EVI5: variants seen among roughly 807,000 people sequenced by gnomAD.
EVI5 encodes the protein ecotropic viral integration site 5.
Under a neutral mutation model 112.0 loss-of-function variants are expected in EVI5, and 73 were observed. The ratio of observed to expected loss-of-function variants is 0.65; its 90% CI spans 0.54 to 0.79. EVI5 has a LOEUF of 0.79. Among genes scored for constraint, EVI5 ranks in the 30% least tolerant of loss-of-function variants. The pLI is 0.00. For synonymous variants in EVI5, 305 were observed against 319.9 expected, an observed-to-expected ratio of 0.95 and a Z score of 0.50; for missense variants, 900 against 968.8, an observed-to-expected ratio of 0.93 and a Z score of 0.94.
At chr1:92,763,751 T>C (rs761607296) in intron 1 of EVI5, among the ~76,000 whole-genome samples, 2 of 152,130 alleles carry the variant, frequency 1.3e-5, no homozygotes, top group African/African-American at 4.8e-5. Context: ...TGAGCTATGA[T>C]TGTGACACTC....
chr1:92,780,479 T>G (rs1684722166), intron 1 of EVI5, among the ~76,000 whole-genome samples: 1 of 152,194 alleles, frequency 6.6e-6, no homozygotes, highest in Non-Finnish European at 1.5e-5. Flanking sequence ...GTTGGAGAGC[T>G]TATATTACCA....
Position 92,657,592 on chromosome 1 carries a change from G to A in EVI5, c.1392+5127C>T, listed in dbSNP as rs529560392. 1.2e-3 allele frequency among the ~76,000 whole-genome samples: 185 copies of A among 152,258 alleles called. 1 individual carries two copies. Among genetic ancestry groups the A allele is most frequent in the African/African-American group, 4.4e-3 (182 of 41,526 alleles). On this transcript the variant is annotated intron_variant, in intron 13 of 19. Coordinates refer to ENST00000684568, the MANE Select transcript of EVI5 (RefSeq NM_001350197.2). ...GCAGGAGGATCACTTGAACCTGGGA[G>A]GTTGAGGCTGCAGTGAGCCATGACT...
intron 19 of EVI5, among the ~76,000 whole-genome samples, chr1:92,522,914 CACTA>C (rs1661215484): frequency 6.6e-6 from 1 of 151,968 alleles, no homozygotes; most frequent in African/African-American, 2.4e-5. Flanking sequence ...CACTCCACCA[CACTA>C]ACTAGTATTT....
chr1:92,688,786 T>C (rs1395617146), intron 9 of EVI5, among the ~76,000 whole-genome samples: 1 of 152,232 alleles, frequency 6.6e-6, no homozygotes, highest in Non-Finnish European at 1.5e-5. Context: ...CATATAATTT[T>C]AATAATCTGT....
rs973347953 is a variant in EVI5 at position 92,508,815 on chromosome 1, C to T, written c.*4841G>A. 7 of 152,676 alleles carry T rather than the reference C, an allele frequency of 4.6e-5. No individual in the cohort carries two copies. The highest frequency in any genetic ancestry group is 1.4e-4 in the African/African-American group (6 of 41,550). 9.5% of individuals were successfully genotyped at this position (152,676 alleles called of 1,614,324 possible). A position where few individuals can be genotyped will look rare whatever the true frequency, so the allele number is the denominator to read the frequency against. ...CAAAATGAAACACATTATAACTTTG[C>T]TTCTTGGTAGTATACTGAATGTATT... On this transcript the variant is annotated 3_prime_UTR_variant, in exon 20 of 20. Transcript: ENST00000684568.
intron 19 of EVI5, among the ~76,000 whole-genome samples, chr1:92,548,022 A>G (rs1182673444): frequency 2.0e-5 from 3 of 152,216 alleles, no homozygotes; most frequent in Non-Finnish European, 4.4e-5. Flanking sequence ...CCTGATACCA[A>G]AGCCTGGCAG....
chr1:92,709,241 T>C (rs1672476373), intron 2 of EVI5, among the ~76,000 whole-genome samples: 1 of 152,220 alleles, frequency 6.6e-6, no homozygotes, highest in South Asian at 2.1e-4. Flanking sequence ...TGATAGAAAC[T>C]TTCTAAGTCT....
chr1:92,534,796 G>A (rs1050665879), intron 19 of EVI5, among the ~76,000 whole-genome samples: 3 of 152,142 alleles, frequency 2.0e-5, no homozygotes, highest in Admixed American at 6.5e-5. Context: ...AGACTTAAAC[G>A]TAAGACCTGA....
chr1:92,703,830 G>A (rs1671562534), intron 3 of EVI5: 5 of 392,326 alleles, frequency 1.3e-5, no homozygotes, highest in Non-Finnish European at 2.2e-5. Flanking sequence ...GATTAATAAT[G>A]ATCATTTCAC....
At chr1:92,709,766 T>TA (rs1672558415) in intron 2 of EVI5, among the ~76,000 whole-genome samples, 1 of 152,168 alleles carries the variant, frequency 6.6e-6, no homozygotes, top group Admixed American at 6.5e-5. Context: ...CAAGAATATG[T>TA]AAACTTTATA....
At chr1:92,635,063 G>C (rs540362673) in intron 14 of EVI5, among the ~76,000 whole-genome samples, 1 of 152,272 alleles carries the variant, frequency 6.6e-6, no homozygotes, top group South Asian at 2.1e-4. Context: ...AGGGGTACCC[G>C]GCCGTGTGAG....
intron 18 of EVI5, among the ~76,000 whole-genome samples, chr1:92,599,807 A>C (rs1300037518): frequency 6.6e-6 from 1 of 152,222 alleles, no homozygotes; most frequent in Non-Finnish European, 1.5e-5. Context: ...AGAATACAGC[A>C]TGTATGTGTA....
At chr1:92,698,016 T>C (rs747500130) in intron 5 of EVI5, 31 bp from the exon 6 acceptor site, 1 of 1,592,318 alleles carries the variant, frequency 6.3e-7, no homozygotes. Context: ...ACAACATAGG[T>C]TAATGTTCTC....
chr1:92,707,340 C>T (rs1672181651), intron 2 of EVI5, among the ~76,000 whole-genome samples: 1 of 151,286 alleles, frequency 6.6e-6, no homozygotes, highest in African/African-American at 2.4e-5. Flanking sequence ...TCAAAAGATA[C>T]TATTTTAAAA....
rs895622591 is a variant in EVI5 at position 92,608,191 on chromosome 1, T to C, written c.1828-464A>G. ...AAAATAAATAAATAAATAAATAAAATCAAGTCATCCAAAGGAATGCATACT... is the reference window on the plus strand; with the variant it reads ...AAAATAAATAAATAAATAAATAAAACCAAGTCATCCAAAGGAATGCATACT... On this transcript the variant is annotated intron_variant, in intron 16 of 19. Coordinates refer to ENST00000684568, the MANE Select transcript of EVI5 (RefSeq NM_001350197.2). 2.6e-5 allele frequency among the ~76,000 whole-genome samples: 4 copies of C among 151,384 alleles called. No individual in the cohort carries two copies. In the East Asian group the frequency reaches 7.7e-4, roughly 29 times the overall value.
chr1:92,735,645 T>TA (rs1553259849), intron 2 of EVI5, among the ~76,000 whole-genome samples: 1 of 11,038 alleles, frequency 9.1e-5, no homozygotes, highest in South Asian at 6.8e-3. Context: ...ATGTCATATA[T>TA]ATATATAATT....
At chr1:92,677,616 G>A (rs1666956696) in intron 9 of EVI5, among the ~76,000 whole-genome samples, 1 of 152,100 alleles carries the variant, frequency 6.6e-6, no homozygotes. Context: ...AAATTTTAAT[G>A]AGGGAAAGGG....
intron 19 of EVI5, among the ~76,000 whole-genome samples, chr1:92,547,348 A>G (rs930549531): frequency 7.9e-5 from 12 of 152,252 alleles, no homozygotes; most frequent in African/African-American, 2.9e-4. Context: ...CATTTAAAGC[A>G]GTGTGTAGAG....
chr1:92,571,717 A>C (rs1670349875), intron 18 of EVI5, among the ~76,000 whole-genome samples: 1 of 152,166 alleles, frequency 6.6e-6, no homozygotes. Flanking sequence ...AAGTATTTTT[A>C]TAACTTTCTA....
Sources: allele counts gnomAD v4.1 joint callset (sites outside exome capture counted in the v4.1 genomes callset), GRCh38; gene constraint gnomAD v4.1.1; transcripts MANE v1.5; gene names NCBI Gene and HGNC (gene_info 2026-07-23, HGNC 2026-07-21).